Variants in GRID1 observed in about 807,000 individuals in gnomAD.
GRID1 encodes the protein glutamate receptor ionotropic, delta-1.
Under a neutral mutation model 98.0 loss-of-function variants are expected in GRID1, and 28 were observed. That is an observed-to-expected ratio of 0.29 (90% CI 0.21 to 0.39). GRID1 has a LOEUF of 0.39. GRID1 is among the 10% of genes least tolerant of loss of function. GRID1 has a pLI of 1.00. For missense variants in GRID1, 1,111 were observed against 1,340.5 expected, an observed-to-expected ratio of 0.83 and a Z score of 2.67; for synonymous variants, 553 against 538.5, an observed-to-expected ratio of 1.03 and a Z score of -0.37.
intron 8 of GRID1, among the ~76,000 whole-genome samples, chr10:85,818,021 CA>C (rs537740544): frequency 2.7e-4 from 41 of 152,264 alleles, no homozygotes; most frequent in African/African-American, 9.4e-4. Context: ...ACCTAAATAC[CA>C]AAAGAATTGT....
intron 8 of GRID1, among the ~76,000 whole-genome samples, chr10:85,824,698 C>G (rs923206727): frequency 1.3e-5 from 2 of 152,122 alleles, no homozygotes; most frequent in African/African-American, 4.8e-5. Flanking sequence ...ACCCCCCCAC[C>G]ACCAACCTTC....
chr10:86,098,080 C>T (rs1844246787), intron 4 of GRID1, among the ~76,000 whole-genome samples: 1 of 152,212 alleles, frequency 6.6e-6, no homozygotes, highest in Non-Finnish European at 1.5e-5. Flanking sequence ...CTCAGTTTTG[C>T]TAACCATGGC....
chr10:85,970,512 A>C (rs1010899283), intron 4 of GRID1, among the ~76,000 whole-genome samples: 1 of 152,102 alleles, frequency 6.6e-6, no homozygotes, highest in African/African-American at 2.4e-5. Flanking sequence ...GATTTGTTTA[A>C]CATCTGAAAA....
chr10:86,211,801 G>T (rs1846111839), intron 2 of GRID1, among the ~76,000 whole-genome samples: 1 of 152,192 alleles, frequency 6.6e-6, no homozygotes, highest in African/African-American at 2.4e-5. Context: ...AGACCACCAG[G>T]CACCTCTACA....
chr10:86,012,066 G>A (rs1047111477), intron 4 of GRID1, among the ~76,000 whole-genome samples: 4 of 152,164 alleles, frequency 2.6e-5, no homozygotes, highest in African/African-American at 9.7e-5. Flanking sequence ...GCTGAGGCAA[G>A]AGAATTGCTT....
At position 85,831,541 on chromosome 10, in the gene GRID1, AT is replaced by A. The variant is rs560794965; in HGVS notation, c.1233+22954del. Among the ~76,000 whole-genome samples the A allele has an allele frequency of 2.1e-3, 313 of 152,248 alleles. 1 individual carries two copies. The highest frequency in any genetic ancestry group is 7.3e-3 in the African/African-American group (304 of 41,540). The stretch of plus-strand genomic sequence containing the variant: ...CCGTCTTTTCAAGGGCACATGAAAT[AT>A]TTACCTCTATGGTGGTCATATAGTA... On this transcript the variant is annotated intron_variant, in intron 8 of 15. Coordinates refer to ENST00000327946, the MANE Select transcript of GRID1 (RefSeq NM_017551.3).
chr10:85,865,955 GGAGAGAGAGAGAGAGAGAGAGA>G (rs11468652), intron 6 of GRID1, among the ~76,000 whole-genome samples: 12 of 84,698 alleles, frequency 1.4e-4, no homozygotes, highest in Admixed American at 5.8e-4. Flanking sequence ...ACATATATAT[GGAGAGAGAGAGAGAGAGAGAGA>G]GAGAGAGAGA....
intron 4 of GRID1, among the ~76,000 whole-genome samples, chr10:86,016,644 T>C (rs1842984725): frequency 6.6e-6 from 1 of 152,196 alleles, no homozygotes. Flanking sequence ...ATGAAGGAAC[T>C]TAGTCTTTCT....
chr10:85,650,816 G>A (rs943534015), intron 12 of GRID1, among the ~76,000 whole-genome samples: 2 of 152,170 alleles, frequency 1.3e-5, no homozygotes, highest in African/African-American at 4.8e-5. Context: ...GAAAACACAT[G>A]GCTTATTCTG....
At chr10:85,731,234 T>C (rs1488328117) in intron 8 of GRID1, among the ~76,000 whole-genome samples, 1 of 152,010 alleles carries the variant, frequency 6.6e-6, no homozygotes, top group Non-Finnish European at 1.5e-5. Flanking sequence ...GTTGTCACCT[T>C]GGACATGATA....
intron 6 of GRID1, among the ~76,000 whole-genome samples, chr10:85,858,009 C>T (rs1564611419): frequency 6.6e-6 from 1 of 152,226 alleles, no homozygotes; most frequent in Non-Finnish European, 1.5e-5. Flanking sequence ...AGGTGCAAGG[C>T]ATCACAAACA....
chr10:86,332,723 C>T (rs1031294222), intron 2 of GRID1, among the ~76,000 whole-genome samples: 6 of 152,102 alleles, frequency 3.9e-5, no homozygotes, highest in Middle Eastern at 3.2e-3. Flanking sequence ...CCAGGTCCCC[C>T]AAGTACCCCA....
intron 8 of GRID1, among the ~76,000 whole-genome samples, chr10:85,788,924 C>T (rs1842453972): frequency 6.6e-6 from 1 of 152,118 alleles, no homozygotes; most frequent in African/African-American, 2.4e-5. Flanking sequence ...AGGGTGGGTA[C>T]ATGCATTTGT....
intron 12 of GRID1, among the ~76,000 whole-genome samples, chr10:85,699,063 G>T (rs1297623363): frequency 6.6e-6 from 1 of 151,454 alleles, no homozygotes; most frequent in Non-Finnish European, 1.5e-5. Context: ...TTTTTGTTTT[G>T]TTTTTTTGAG....
At chr10:86,005,879 T>C (rs770372963) in intron 4 of GRID1, among the ~76,000 whole-genome samples, 2 of 152,190 alleles carry the variant, frequency 1.3e-5, no homozygotes. Flanking sequence ...ATATATAACA[T>C]ACTTGTGGAT....
intron 4 of GRID1, among the ~76,000 whole-genome samples, chr10:85,981,182 C>T (rs1842540319): frequency 6.6e-6 from 1 of 152,220 alleles, no homozygotes; most frequent in Non-Finnish European, 1.5e-5. Flanking sequence ...GGAAGAAATG[C>T]ACCACCAGCA....
At chr10:86,247,259 AGATG>A (rs71016126) in intron 2 of GRID1, among the ~76,000 whole-genome samples, 3 of 139,658 alleles carry the variant, frequency 2.1e-5, no homozygotes, top group African/African-American at 8.1e-5. Context: ...ATGGATGGAT[AGATG>A]GATGGATGGA....
At chr10:85,893,227 C>A (rs1480333466) in intron 5 of GRID1, among the ~76,000 whole-genome samples, 5 of 152,044 alleles carry the variant, frequency 3.3e-5, no homozygotes, top group Non-Finnish European at 7.4e-5. Flanking sequence ...TAAAAGAAAA[C>A]TTCTTCAACA....
intron 2 of GRID1, among the ~76,000 whole-genome samples, chr10:86,284,994 T>A (rs1041022945): frequency 8.6e-5 from 13 of 151,802 alleles, no homozygotes; most frequent in African/African-American, 2.9e-4. Context: ...TGCTGGAAGG[T>A]ACGAGACCAT....
Sources: gnomAD v4.1 joint callset for allele counts (sites outside exome capture counted in the v4.1 genomes callset) on GRCh38, gnomAD v4.1.1 for gene constraint, MANE v1.5 for transcripts, NCBI Gene and HGNC (gene_info 2026-07-23, HGNC 2026-07-21) for gene names.